The following SLC35B2 variants were observed in gnomAD, a reference collection of about 807,000 sequenced individuals.
SLC35B2 encodes the protein solute carrier family 35 member B2.
Under a neutral mutation model 37.9 loss-of-function variants are expected in SLC35B2, and 19 were observed. That is an observed-to-expected ratio of 0.50 (90% CI 0.35 to 0.74). The LOEUF (loss-of-function observed/expected upper bound fraction) is 0.74, where lower values mean the gene tolerates loss of function less well. Ranked by LOEUF, SLC35B2 falls within the 30% of genes least tolerant of loss-of-function variation. The pLI is 0.01. For missense variants in SLC35B2, 633 were observed against 547.6 expected (o/e 1.16, Z -1.56); for synonymous variants, 277 against 225.2 (o/e 1.23, Z -2.06).
rs1219414685 is a variant in SLC35B2 at position 44,254,681 on chromosome 6, T to C, written c.*25A>G. ...GGATGGTGGGAGGGTCCTATTTCAC[T>C]TCACCCCTCAGGCCCTTTCCACCCT... On this transcript the variant is annotated 3_prime_UTR_variant, in exon 4 of 4. Transcript: ENST00000393812. The C allele has an allele frequency of 1.3e-6, 2 of 1,581,984 alleles. No individual in the cohort carries two copies. Among genetic ancestry groups the C allele is most frequent in the East Asian group, 2.2e-5 (1 of 44,510 alleles).
Position 44,256,745 on chromosome 6 carries a change from A to G in SLC35B2, c.145T>C (p.Phe49Leu), listed in dbSNP as rs1182098830. ...FVVNAAGYAS[F>L]MVPGYLLVQY... ...ACCAGGAGGTAGCCAGGTACCATAA[A>G]GCTGGCATAGCCAGCAGCATTCACC... Residue 49 changes from phenylalanine to leucine, a missense_variant, in exon 2 of 4, where the codon TTT becomes CTT. Physicochemically the swap from Phe to Leu is conservative, Grantham distance 22. Coordinates refer to ENST00000393812, the MANE Select transcript of SLC35B2 (RefSeq NM_178148.4). The G allele has an allele frequency of 1.9e-6, 3 of 1,614,076 alleles. No individual in the cohort carries two copies. In the African/African-American group the frequency reaches 4.0e-5, roughly 22 times the overall value.
intron 1 of SLC35B2, chr6:44,257,197 C>G (rs1004403108): frequency 2.6e-5 from 14 of 535,472 alleles, no homozygotes; most frequent in Admixed American, 2.1e-4. Context: ...CGATCCGGGA[C>G]GTCAGGGTCC....
At position 44,254,618 on chromosome 6, in the gene SLC35B2, C is replaced by T; in HGVS notation, c.*88G>A. On this transcript the variant is annotated 3_prime_UTR_variant, in exon 4 of 4. Transcript: ENST00000393812. ...ATACTGAGAAAACACCTGCATTTTGCCCTTTCAGCCAGCTCCCTCAGAGGT... is the reference window on the plus strand; with the variant it reads ...ATACTGAGAAAACACCTGCATTTTGTCCTTTCAGCCAGCTCCCTCAGAGGT... 1.4e-6 allele frequency: 2 copies of T among 1,420,586 alleles called. No individual in the cohort carries two copies. The highest frequency in any genetic ancestry group is 9.5e-7 in the Non-Finnish European group (1 of 1,051,326). 88.0% of individuals were successfully genotyped at this position (1,420,586 alleles called of 1,614,324 possible). A position where few individuals can be genotyped will look rare whatever the true frequency, so the allele number is the denominator to read the frequency against.
intron 1 of SLC35B2, 95 bp downstream of exon 1, chr6:44,257,305 G>T: frequency 7.9e-7 from 1 of 1,267,282 alleles, no homozygotes; most frequent in Non-Finnish European, 1.0e-6. Context: ...CGACGGCCGA[G>T]CAGCCGGGAC....
At position 44,255,076 on chromosome 6, in the gene SLC35B2, G is replaced by C. The variant is rs899551212; in HGVS notation, c.929C>G (p.Ser310Cys). The C allele has an allele frequency of 6.2e-7, 1 of 1,614,214 alleles. No homozygotes were observed. Among genetic ancestry groups the C allele is most frequent in the Admixed American group, 1.7e-5 (1 of 60,026 alleles). ...CAGTGAGCCCACTGTGAAGAGGCAG[G>C]AGAAGAAATTGACCCCAAACATCAT... The part of the protein sequence containing the change: ...VQMMFGVNFF[S>C]CLFTVGSLLE... The change falls in exon 4 of 4, where the codon TCC (serine) becomes TGC (cysteine). Residue 310 changes from serine to cysteine, a missense_variant. By Grantham distance (112) the Ser-to-Cys change is moderately radical (BLOSUM62 -1). Transcript: ENST00000393812.
At chr6:44,255,784 C>A (rs1222918886) in intron 3 of SLC35B2, 140 bp from the exon 4 acceptor site, 10 of 793,744 alleles carry the variant, frequency 1.3e-5, no homozygotes, top group Non-Finnish European at 1.8e-5. Flanking sequence ...GTAGAAGTTT[C>A]TTCTCCCCTC....
chr6:44,255,108 C>G lies in SLC35B2; in HGVS notation c.897G>C (p.Ser299=). The change falls in exon 4 of 4, where the codon TCG becomes TCC. Residue 299 remains serine (S), a synonymous_variant. Coordinates refer to ENST00000393812, the MANE Select transcript of SLC35B2 (RefSeq NM_178148.4). ...QDALFAYKMS[S]VQMMFGVNFF... ...AATTGACCCCAAACATCATCTGCAC[C>G]GATGACATCTTATAGGCAAACAGGG... 6.2e-7 allele frequency: 1 copy of G among 1,614,178 alleles called. No homozygotes were observed. The highest frequency in any genetic ancestry group is 8.5e-7 in the Non-Finnish European group (1 of 1,180,036).
In SLC35B2 at chr6:44,254,811, C is replaced by T; in HGVS notation, c.1194G>A (p.Val398=). 1 of 1,614,190 alleles carries T rather than the reference C, an allele frequency of 6.2e-7. No individual in the cohort carries two copies. The highest frequency in any genetic ancestry group is 1.3e-5 in the African/African-American group (1 of 75,034). The change falls in exon 4 of 4, where the codon GTG becomes GTA. Residue 398 remains valine, a synonymous_variant. Transcript: ENST00000393812. ...HTVTVVGGLG[V]AVVFAALLLR... ...GCAGGAGGGCAGCAAAGACCACAGC[C>T]ACCCCCAGCCCTCCCACCACAGTGA...
chr6:44,256,997 G>C, intron 1 of SLC35B2, 119 bp from the exon 2 acceptor site: 1 of 1,128,078 alleles, frequency 8.9e-7, no homozygotes, highest in Non-Finnish European at 1.2e-6. Context: ...CTGCAGCTCC[G>C]GCCCGGACAA....
chr6:44,256,486 G>C lies in SLC35B2; in HGVS notation c.216C>G (p.Leu72=), dbSNP rs1781517536. ...CACAAGCTTTCACCAGGGGAAAGCAGAGGCCCCTACCTGAAGAAAGCACAC... is the reference window on the plus strand; with the variant it reads ...CACAAGCTTTCACCAGGGGAAAGCACAGGCCCCTACCTGAAGAAAGCACAC... The part of the protein sequence containing the change: ...RKNYLETGRG[L]CFPLVKACVF... Residue 72 remains leucine (L), a synonymous_variant, in exon 3 of 4, where the codon CTC becomes CTG. Transcript: ENST00000393812. The C allele has an allele frequency of 6.2e-7, 1 of 1,614,102 alleles. No individual in the cohort carries two copies.
rs973929007 is a variant in SLC35B2, at chr6:44,255,014, T to A, written c.991A>T (p.Met331Leu). 2.5e-6 allele frequency: 4 copies of A among 1,614,054 alleles called. No homozygotes were observed. The highest frequency in any genetic ancestry group is 3.4e-6 in the Non-Finnish European group (4 of 1,180,028). ...QGALLEGTRF[M>L]GRHSEFAAHA... ...GCAGCAAACTCACTGTGTCGCCCCA[T>A]GAAGCGGGTTCCCTCCAGTAGGGCC... is the stretch of plus-strand genomic sequence containing the variant. Residue 331 changes from methionine (M) to leucine (L), a missense_variant, in exon 4 of 4, where the codon ATG becomes TTG. By Grantham distance (15) the Met-to-Leu change is conservative (BLOSUM62 2). Coordinates refer to ENST00000393812, the MANE Select transcript of SLC35B2 (RefSeq NM_178148.4).
At chr6:44,257,271 G>A in intron 1 of SLC35B2, 129 bp downstream of exon 1, 1 of 1,088,568 alleles carries the variant, frequency 9.2e-7, no homozygotes. Flanking sequence ...CATCCCCGCT[G>A]GCTCCGGGCA....
chr6:44,254,168 A>G lies in SLC35B2; in HGVS notation c.*538T>C, dbSNP rs1014200953. On this transcript the variant is annotated 3_prime_UTR_variant, in exon 4 of 4. Transcript: ENST00000393812. The stretch of plus-strand genomic sequence containing the variant: ...CAAAAAGTTACATTTCTAAAGTACC[A>G]AAACCTGCAACAGGCTCATGGAACA... 6 of 220,188 alleles carry G rather than the reference A, an allele frequency of 2.7e-5. No individual in the cohort carries two copies. In the East Asian group the frequency reaches 6.0e-4, roughly 22 times the overall value. 13.6% of individuals were successfully genotyped at this position (220,188 alleles called of 1,614,324 possible). A position where few individuals can be genotyped will look rare whatever the true frequency, so the allele number is the denominator to read the frequency against.
chr6:44,255,387 G>A lies in SLC35B2; in HGVS notation c.618C>T (p.Phe206=), dbSNP rs76048013. The A allele has an allele frequency of 2.1e-4, 346 of 1,614,230 alleles. No individual in the cohort carries two copies. The African/African-American group carries it at 3.9e-3, about 18-fold the overall frequency. ...CCAGCACCTGGGTGGGGAAGCTGAC[G>A]AACTTAAGAGCTTCGTATTGGCACC... ...SSWCQYEALK[F]VSFPTQVLAK... Residue 206 remains phenylalanine (F), a synonymous_variant, in exon 4 of 4, where the codon TTC becomes TTT. Coordinates refer to ENST00000393812, the MANE Select transcript of SLC35B2 (RefSeq NM_178148.4).
At position 44,255,223 on chromosome 6, in the gene SLC35B2, G is replaced by A; in HGVS notation, c.782C>T (p.Pro261Leu). The A allele has an allele frequency of 6.2e-7, 1 of 1,614,248 alleles. No individual in the cohort carries two copies. The highest frequency in any genetic ancestry group is 1.1e-5 in the South Asian group (1 of 91,090). The stretch of plus-strand genomic sequence containing the variant: ...GAGTGTGGTGGCTGGGGAGCTGCGG[G>A]GCTCTGGTCCGCTGGATAGCAGAAA... ...SMFLLSSGPE[P>L]RSSPATTLSG... Residue 261 changes from proline to leucine, a missense_variant, in exon 4 of 4, where the codon CCC becomes CTC. Physicochemically the swap from Pro to Leu is moderately conservative, Grantham distance 98 (BLOSUM62 -3). Transcript: ENST00000393812.
Position 44,254,788 on chromosome 6 carries a change from A to T in SLC35B2, c.1217T>A (p.Leu406Gln), listed in dbSNP as rs202222313. The T allele has an allele frequency of 1.2e-6, 2 of 1,614,182 alleles. No individual in the cohort carries two copies. Among genetic ancestry groups the T allele is most frequent in the Admixed American group, 3.3e-5 (2 of 60,028 alleles). Residue 406 changes from leucine (L) to glutamine (Q), a missense_variant, in exon 4 of 4, where the codon CTG (leucine) becomes CAG (glutamine). Leu to Gln is a moderately radical substitution (Grantham distance 113). Transcript: ENST00000393812. Reference sequence around the variant, plus strand: ...ACGGCCCCGCGCGTAGACTCTGAGCAGGAGGGCAGCAAAGACCACAGCCAC... The same window carrying T: ...ACGGCCCCGCGCGTAGACTCTGAGCTGGAGGGCAGCAAAGACCACAGCCAC... ...LGVAVVFAALLLRVYARGRLK... is the reference protein window; with the variant it reads ...LGVAVVFAALQLRVYARGRLK...
rs1420303878 is a variant in SLC35B2, at chr6:44,256,689, C to T, written c.201G>A (p.Glu67=). The change falls in exon 2 of 4, where the codon GAG becomes GAA. Residue 67 remains glutamate, a synonymous_variant. Transcript: ENST00000393812. Reference sequence around the variant, plus strand: ...CCCCGCCCTTTCTTCACACACCGGTCTCCAGGTAGTTCTTCCGCCTGAAGT... The same window carrying T: ...CCCCGCCCTTTCTTCACACACCGGTTTCCAGGTAGTTCTTCCGCCTGAAGT... ...VQYFRRKNYL[E]TGRGLCFPLV... is the part of the protein sequence containing the mutation. 2 of 1,614,100 alleles carry T rather than the reference C, an allele frequency of 1.2e-6. No individual in the cohort carries two copies. Among genetic ancestry groups the T allele is most frequent in the South Asian group, 2.2e-5 (2 of 91,058 alleles).
chr6:44,255,219 GC>G lies in SLC35B2; in HGVS notation c.785del (p.Arg262ProfsTer41). ...CTGAGAGTGTGGTGGCTGGGGAGCTGCGGGGCTCTGGTCCGCTGGATAGCAG... is the reference window on the plus strand; with the variant it reads ...CTGAGAGTGTGGTGGCTGGGGAGCTGGGGGCTCTGGTCCGCTGGATAGCAG... ...MFLLSSGPEP[R>X]SSPATTLSGL... On this transcript the variant is annotated frameshift_variant, in exon 4 of 4. Transcript: ENST00000393812. LOFTEE classifies it high-confidence loss of function. The G allele has an allele frequency of 2.5e-6, 4 of 1,614,246 alleles. No homozygotes were observed. The highest frequency in any genetic ancestry group is 3.4e-6 in the Non-Finnish European group (4 of 1,180,044).
chr6:44,256,293 T>C (rs1781489464), intron 3 of SLC35B2, 49 bp downstream of exon 3: 4 of 1,571,554 alleles, frequency 2.5e-6, no homozygotes, highest in Non-Finnish European at 3.4e-6. Context: ...ACAGAATCCC[T>C]GCCCACCGGC....
Sources: gnomAD v4.1 joint callset for allele counts on GRCh38, gnomAD v4.1.1 for gene constraint, MANE v1.5 for transcripts, NCBI Gene and HGNC (gene_info 2026-07-23, HGNC 2026-07-21) for gene names.